Variants in PTPRD observed in about 807,000 individuals in gnomAD.
PTPRD encodes the protein protein tyrosine phosphatase receptor type D.
PTPRD carries 34 observed loss-of-function variants against 214.5 expected under a neutral mutation model. The observed-to-expected ratio is 0.16, with a 90% confidence interval of 0.12 to 0.21. PTPRD has a LOEUF of 0.21. Among genes scored for constraint, PTPRD ranks in the 10% least tolerant of loss-of-function variants. The pLI, the probability that PTPRD is intolerant of heterozygous loss-of-function variation, is 1.00. For missense variants in PTPRD, 2,545 were observed against 2,398.7 expected, an observed-to-expected ratio of 1.06 and a Z score of -1.27; for synonymous variants, 1,128 against 845.7, an observed-to-expected ratio of 1.33 and a Z score of -5.79.
At chr9:8,328,114 G>A (rs772141686) in intron 44 of PTPRD, among the ~76,000 whole-genome samples, 4 of 152,108 alleles carry the variant, frequency 2.6e-5, no homozygotes, top group East Asian at 1.9e-4. Context: ...TCCCAGCATC[G>A]ATGGTCTTTA....
chr9:10,360,813 G>T (rs1391463750), intron 2 of PTPRD, among the ~76,000 whole-genome samples: 3 of 151,958 alleles, frequency 2.0e-5, no homozygotes, highest in Non-Finnish European at 4.4e-5. Context: ...TGTAAAATTT[G>T]TCATTAAGGC....
At chr9:10,295,505 AC>A (rs1173066338) in intron 3 of PTPRD, among the ~76,000 whole-genome samples, 1 of 152,026 alleles carries the variant, frequency 6.6e-6, no homozygotes, top group Admixed American at 6.6e-5. Context: ...TTTGAGTAAG[AC>A]CTGCTTTCTC....
chr9:9,643,498 T>C (rs377709764), intron 7 of PTPRD, among the ~76,000 whole-genome samples: 7 of 152,138 alleles, frequency 4.6e-5, no homozygotes, highest in South Asian at 2.1e-4. Context: ...CAAGAAAGTA[T>C]TTTTCTTCAT....
intron 3 of PTPRD, among the ~76,000 whole-genome samples, chr9:10,278,295 T>A (rs1416898788): frequency 6.6e-6 from 1 of 152,246 alleles, no homozygotes; most frequent in East Asian, 1.9e-4. Context: ...TTCATTAGTA[T>A]AGGGTAGACA....
At chr9:8,497,042 G>A (rs554902164) in intron 26 of PTPRD, among the ~76,000 whole-genome samples, 200 bp downstream of exon 26, 2 of 152,072 alleles carry the variant, frequency 1.3e-5, no homozygotes, top group African/African-American at 2.4e-5. Flanking sequence ...CATTTCTTAC[G>A]CAGTCAATAG....
intron 10 of PTPRD, among the ~76,000 whole-genome samples, chr9:9,096,798 T>C (rs1389187730): frequency 6.6e-6 from 1 of 152,168 alleles, no homozygotes; most frequent in Non-Finnish European, 1.5e-5. Context: ...GTTTATATAA[T>C]GCTATGGAGG....
chr9:9,147,047 T>A (rs971798246), intron 10 of PTPRD, among the ~76,000 whole-genome samples: 1 of 152,130 alleles, frequency 6.6e-6, no homozygotes, highest in Non-Finnish European at 1.5e-5. Flanking sequence ...AGACTTTAAC[T>A]ACCACCAAAT....
chr9:9,290,825 T>G (rs1359773873), intron 9 of PTPRD, among the ~76,000 whole-genome samples: 1 of 151,508 alleles, frequency 6.6e-6, no homozygotes, highest in Non-Finnish European at 1.5e-5. Context: ...ATTAATTCGT[T>G]AGGTAATCAA....
At chr9:8,334,057 C>CAAAG (rs1844187965) in intron 43 of PTPRD, among the ~76,000 whole-genome samples, 1 of 152,240 alleles carries the variant, frequency 6.6e-6, no homozygotes, top group South Asian at 2.1e-4. Context: ...TAGATACCTA[C>CAAAG]AAAGAGACTT....
intron 8 of PTPRD, among the ~76,000 whole-genome samples, chr9:9,557,924 A>G (rs574375861): frequency 6.6e-6 from 1 of 152,312 alleles, no homozygotes; most frequent in African/African-American, 2.4e-5. Flanking sequence ...TACTTAAACT[A>G]GCTTTCTCAT....
intron 8 of PTPRD, among the ~76,000 whole-genome samples, chr9:9,414,163 G>C (rs767504675): frequency 6.6e-6 from 1 of 152,190 alleles, no homozygotes; most frequent in Non-Finnish European, 1.5e-5. Flanking sequence ...ATCTCAAAAG[G>C]TATTCTGAGT....
chr9:9,850,394 T>A (rs1416125844), intron 5 of PTPRD, among the ~76,000 whole-genome samples: 1 of 152,088 alleles, frequency 6.6e-6, no homozygotes, highest in Non-Finnish European at 1.5e-5. Flanking sequence ...TTGTCCTGGT[T>A]TTCTACTTAG....
chr9:10,030,608 T>G (rs1170268357), intron 4 of PTPRD, among the ~76,000 whole-genome samples: 1 of 152,076 alleles, frequency 6.6e-6, no homozygotes, highest in Non-Finnish European at 1.5e-5. Flanking sequence ...AAGGAAAGGC[T>G]CAGGGAAATA....
intron 2 of PTPRD, among the ~76,000 whole-genome samples, chr9:10,574,251 T>A (rs1307809772): frequency 1.3e-5 from 2 of 151,914 alleles, no homozygotes; most frequent in African/African-American, 2.4e-5. Context: ...TTTCTGGGTC[T>A]ATCTCTGCCC....
chr9:8,667,522 T>C (rs1299659319), intron 12 of PTPRD, among the ~76,000 whole-genome samples: 1 of 152,138 alleles, frequency 6.6e-6, no homozygotes, highest in East Asian at 1.9e-4. Context: ...AGTGAAAAAT[T>C]CCACATCTAA....
At chr9:10,170,826 T>C (rs1376617188) in intron 3 of PTPRD, among the ~76,000 whole-genome samples, 2 of 152,204 alleles carry the variant, frequency 1.3e-5, no homozygotes, top group Non-Finnish European at 1.5e-5. Context: ...AGCAATTGTA[T>C]ATCATCACAC....
chr9:10,392,069 T>G (rs1316208667), intron 2 of PTPRD, among the ~76,000 whole-genome samples: 1 of 151,746 alleles, frequency 6.6e-6, no homozygotes, highest in Admixed American at 6.6e-5. Flanking sequence ...ATTTCATCAC[T>G]ACTGTATTTA....
chr9:9,828,065 A>T lies in PTPRD; in HGVS notation c.-367-61214T>A, dbSNP rs1253923183. On this transcript the variant is annotated intron_variant, in intron 5 of 45. Coordinates refer to ENST00000381196, the MANE Select transcript of PTPRD (RefSeq NM_002839.4). ...TTTTACACTGTTGGTGGGACTGTAAACTAGCTCAACCCTTGTGGAAGTCAG... is the reference window on the plus strand; with the variant it reads ...TTTTACACTGTTGGTGGGACTGTAATCTAGCTCAACCCTTGTGGAAGTCAG... 2.6e-5 allele frequency among the ~76,000 whole-genome samples: 4 copies of T among 152,270 alleles called. No homozygotes were observed. In the East Asian group the frequency reaches 7.7e-4, roughly 29 times the overall value.
At chr9:10,308,138 C>A (rs2096145525) in intron 3 of PTPRD, among the ~76,000 whole-genome samples, 1 of 151,838 alleles carries the variant, frequency 6.6e-6, no homozygotes, top group African/African-American at 2.4e-5. Flanking sequence ...AAAATCTTTG[C>A]CTACATCAAT....
Sources: gnomAD v4.1 joint callset for allele counts (sites outside exome capture counted in the v4.1 genomes callset) on GRCh38, gnomAD v4.1.1 for gene constraint, MANE v1.5 for transcripts, NCBI Gene and HGNC (gene_info 2026-07-23, HGNC 2026-07-21) for gene names.